The following XIRP2 variants were observed in gnomAD, a reference collection of about 807,000 sequenced individuals.
XIRP2 encodes xin actin-binding repeat-containing protein 2.
In XIRP2, 236 loss-of-function variants were observed where a neutral mutation model predicts 277.0. The observed-to-expected ratio is 0.85, with a 90% CI of 0.77 to 0.95. XIRP2 has a LOEUF of 0.95. Ranked by LOEUF, XIRP2 falls within the 40% of genes least tolerant of loss-of-function variation. XIRP2 has a pLI of 0.00. For synonymous variants in XIRP2, 1,490 were observed against 1,416.5 expected (o/e 1.05, Z -1.17); for missense variants, 4,640 against 4,157.5 (o/e 1.12, Z -3.19).
At chr2:167,146,483 A>G (rs948945672) in intron 3 of XIRP2, among the ~76,000 whole-genome samples, 1 of 151,698 alleles carries the variant, frequency 6.6e-6, no homozygotes, top group Non-Finnish European at 1.5e-5. Flanking sequence ...CCTCAGCAAC[A>G]GAACAAGACT....
rs369817063 is a variant in XIRP2 at position 167,251,405 on chromosome 2, G to A, written c.10013G>A (p.Arg3338Lys). The A allele has an allele frequency of 3.7e-6, 6 of 1,613,502 alleles. No homozygotes were observed. The African/African-American group carries it at 4.0e-5, about 11-fold the overall frequency. Residue 3338 changes from arginine (R) to lysine (K), a missense_variant, in exon 9 of 11, where the codon AGG becomes AAG. Physicochemically the swap from Arg to Lys is conservative, Grantham distance 26 (BLOSUM62 2). Coordinates refer to ENST00000409195, the MANE Select transcript of XIRP2 (RefSeq NM_152381.6). ...DPENEINRWF[R>K]EFEHGPVSEA... ...GAAAATGAAATAAACAGATGGTTCA[G>A]GGAATTTGAGCATGGCCCAGTTTCT...
chr2:167,078,634 A>G (rs954996535), intron 2 of XIRP2, among the ~76,000 whole-genome samples: 6 of 152,080 alleles, frequency 3.9e-5, no homozygotes, highest in African/African-American at 7.2e-5. Flanking sequence ...CAGGAGATCA[A>G]GACCATCCTG....
intron 2 of XIRP2, among the ~76,000 whole-genome samples, chr2:166,995,084 G>C (rs1477119760): frequency 1.3e-5 from 2 of 152,112 alleles, no homozygotes; most frequent in Non-Finnish European, 2.9e-5. Context: ...GTTTCACCAT[G>C]TTGGCCAGGG....
intron 2 of XIRP2, among the ~76,000 whole-genome samples, chr2:166,904,298 T>C (rs1684462583): frequency 6.6e-6 from 1 of 152,182 alleles, no homozygotes; most frequent in Non-Finnish European, 1.5e-5. Flanking sequence ...ATGGAATAAA[T>C]GAAGGCTTTG....
Position 167,248,768 on chromosome 2 carries a change from C to T in XIRP2, c.7376C>T (p.Thr2459Ile). ...SLSDMECKIT[T>I]SKDQKKVMVM... Reference sequence around the variant, plus strand: ...TCAGATATGGAATGTAAAATTACTACCTCAAAGGATCAGAAAAAAGTAATG... The same window carrying T: ...TCAGATATGGAATGTAAAATTACTATCTCAAAGGATCAGAAAAAAGTAATG... The change falls in exon 9 of 11, where the codon ACC becomes ATC. Residue 2459 changes from threonine (T) to isoleucine (I), a missense_variant. By Grantham distance (89) the Thr-to-Ile change is moderately conservative. Transcript: ENST00000409195. 2 of 1,613,652 alleles carry T rather than the reference C, an allele frequency of 1.2e-6. No individual in the cohort carries two copies. Among genetic ancestry groups the T allele is most frequent in the Non-Finnish European group, 1.7e-6 (2 of 1,179,790 alleles).
chr2:166,946,350 G>T (rs772783021), intron 2 of XIRP2, among the ~76,000 whole-genome samples: 5 of 152,132 alleles, frequency 3.3e-5, no homozygotes, highest in African/African-American at 1.2e-4. Context: ...CACTAACTGC[G>T]CAAACTATCC....
At chr2:166,983,674 G>A (rs1339727959) in intron 2 of XIRP2, among the ~76,000 whole-genome samples, 2 of 152,108 alleles carry the variant, frequency 1.3e-5, no homozygotes, top group African/African-American at 4.8e-5. Context: ...AATTTGACAA[G>A]GATCACACTC....
chr2:167,120,996 A>G (rs10497315), intron 2 of XIRP2, among the ~76,000 whole-genome samples: 44,905 of 152,056 alleles, frequency 0.3, 9,108 homozygotes, highest in African/African-American at 0.58. Context: ...GTGGTATTTC[A>G]TATTCATTCA....
At chr2:166,941,776 AAAG>A (rs1685726062) in intron 2 of XIRP2, among the ~76,000 whole-genome samples, 1 of 152,212 alleles carries the variant, frequency 6.6e-6, no homozygotes, top group South Asian at 2.1e-4. Flanking sequence ...TGTTCTATAA[AAAG>A]AAGAAATATT....
At position 167,074,059 on chromosome 2, in the gene XIRP2, G is replaced by T. The variant is rs191110734; in HGVS notation, c.409-61850G>T. Among the ~76,000 whole-genome samples the T allele has an allele frequency of 2.9e-4, 44 of 152,158 alleles. No homozygotes were observed. In the Middle Eastern group the frequency reaches 0.014, roughly 47 times the overall value. ...ATACCCATTGCATAAATTTGAGATAGTATTAAGTAGTATGGGAGAAAAAAC... is the reference window on the plus strand; with the variant it reads ...ATACCCATTGCATAAATTTGAGATATTATTAAGTAGTATGGGAGAAAAAAC... On this transcript the variant is annotated intron_variant, in intron 2 of 10. Coordinates refer to ENST00000409195, the MANE Select transcript of XIRP2 (RefSeq NM_152381.6).
rs368498155 is a variant in XIRP2 at position 167,248,660 on chromosome 2, C to T, written c.7268C>T (p.Thr2423Ile). The change falls in exon 9 of 11, where the codon ACA becomes ATA. Residue 2423 changes from threonine (T) to isoleucine (I), a missense_variant. By Grantham distance (89) the Thr-to-Ile change is moderately conservative. Transcript: ENST00000409195. ...TGKTGVLPPP[T>I]LPKPKLPKHI... ...AAAACCGGTGTGTTGCCACCTCCCA[C>T]ATTGCCCAAACCCAAACTTCCCAAG... The T allele has an allele frequency of 2.5e-6, 4 of 1,613,720 alleles. No homozygotes were observed. Among genetic ancestry groups the T allele is most frequent in the Non-Finnish European group, 3.4e-6 (4 of 1,179,818 alleles).
chr2:166,981,266 A>G (rs1686861715), intron 2 of XIRP2, among the ~76,000 whole-genome samples: 1 of 152,132 alleles, frequency 6.6e-6, no homozygotes. Flanking sequence ...AAGACTTTAG[A>G]AAAGAATCCT....
At chr2:167,037,997 A>T (rs1231725990) in intron 2 of XIRP2, among the ~76,000 whole-genome samples, 1 of 152,094 alleles carries the variant, frequency 6.6e-6, no homozygotes, top group Non-Finnish European at 1.5e-5. Context: ...TTCGAATAGT[A>T]CTAAATGAAA....
At chr2:167,002,717 A>G (rs75528635) in intron 2 of XIRP2, among the ~76,000 whole-genome samples, 5,395 of 152,020 alleles carry the variant, frequency 0.035, 120 homozygotes, top group East Asian at 0.079. Context: ...AGTAATAAAT[A>G]TTTTTCAGAA....
chr2:167,211,312 G>A (rs529351669), intron 4 of XIRP2, among the ~76,000 whole-genome samples: 1 of 151,980 alleles, frequency 6.6e-6, no homozygotes, highest in Non-Finnish European at 1.5e-5. Context: ...GGCCAGGATG[G>A]TATCGATCTC....
intron 2 of XIRP2, among the ~76,000 whole-genome samples, chr2:167,092,933 G>A (rs1690187701): frequency 1.3e-5 from 2 of 152,064 alleles, no homozygotes; most frequent in Non-Finnish European, 2.9e-5. Context: ...CTGCTTATAT[G>A]TGGTACCTAA....
intron 3 of XIRP2, among the ~76,000 whole-genome samples, chr2:167,181,264 A>C (rs1283029298): frequency 1.3e-5 from 2 of 152,188 alleles, no homozygotes; most frequent in African/African-American, 2.4e-5. Context: ...AAGCAAACTT[A>C]GACTGTGGAG....
In XIRP2 at chr2:167,246,270, T is replaced by C; in HGVS notation, c.4878T>C (p.Ser1626=). Residue 1626 remains serine, a synonymous_variant, in exon 9 of 11, where the codon AGT becomes AGC. Transcript: ENST00000409195. ...GTACTGAAAGAGAGATTTTGATTAG[T>C]GAAGAAGAGAAGGGAAATGTTAATT... The part of the protein sequence containing the change: ...RDCTEREILI[S]EEEKGNVNLT... The C allele has an allele frequency of 1.9e-6, 3 of 1,613,372 alleles. No homozygotes were observed. The highest frequency in any genetic ancestry group is 2.5e-6 in the Non-Finnish European group (3 of 1,179,690).
chr2:167,000,208 C>T (rs1202766221), intron 2 of XIRP2, among the ~76,000 whole-genome samples: 1 of 152,080 alleles, frequency 6.6e-6, no homozygotes. Context: ...CCTCTTGTGC[C>T]TTAGCTACTT....
Sources: gnomAD v4.1 joint callset for allele counts (sites outside exome capture counted in the v4.1 genomes callset) on GRCh38, gnomAD v4.1.1 for gene constraint, MANE v1.5 for transcripts, NCBI Gene and HGNC (gene_info 2026-07-23, HGNC 2026-07-21) for gene names.